Variants in DLG5 observed in about 807,000 individuals in gnomAD.
DLG5 encodes disks large homolog 5.
Under a neutral mutation model 189.8 loss-of-function variants are expected in DLG5, and 48 were observed. The ratio of observed to expected loss-of-function variants is 0.25; its 90% CI spans 0.20 to 0.32. DLG5 has a LOEUF of 0.32. Among genes scored for constraint, DLG5 ranks in the 10% least tolerant of loss-of-function variants. The pLI is 1.00. For synonymous variants in DLG5, 1,016 were observed against 1,054.1 expected (o/e 0.96, Z 0.70); for missense variants, 2,160 against 2,544.7 (o/e 0.85, Z 3.25).
chr10:77,843,732 C>T, intron 5 of DLG5, 26 bp from the exon 6 acceptor site: 3 of 1,613,364 alleles, frequency 1.9e-6, no homozygotes, highest in African/African-American at 1.3e-5. Context: ...TTTCACTTAC[C>T]AAGGGTCTGT....
Position 77,796,994 on chromosome 10 carries a change from T to C in DLG5, c.5165-400A>G, listed in dbSNP as rs1042562390. On this transcript the variant is annotated intron_variant, in intron 27 of 31. Transcript: ENST00000372391. This position sits in a 1 kb window ranked among gnomAD's most constrained non-coding sequence, Gnocchi z 5.2. ...GTCAGTGTAACCCAGACCTGCCCAG[T>C]GACAGGTGAGGCCTCCCCAATCTGC... Among the ~76,000 whole-genome samples the C allele has an allele frequency of 6.6e-6, 1 of 152,124 alleles. No individual in the cohort carries two copies. Among genetic ancestry groups the C allele is most frequent in the Non-Finnish European group, 1.5e-5 (1 of 68,014 alleles).
intron 1 of DLG5, among the ~76,000 whole-genome samples, chr10:77,922,978 G>A (rs1307606417): frequency 6.6e-6 from 1 of 152,204 alleles, no homozygotes; most frequent in African/African-American, 2.4e-5. Context: ...TTTCCTTCCA[G>A]TTCCAGGCCC....
chr10:77,844,617 A>G (rs560534418), intron 5 of DLG5, among the ~76,000 whole-genome samples: 1 of 152,346 alleles, frequency 6.6e-6, no homozygotes, highest in African/African-American at 2.4e-5. Context: ...GACAGGACAG[A>G]AAGACGCTGT....
chr10:77,867,340 T>A (rs1320196211), intron 2 of DLG5, among the ~76,000 whole-genome samples: 1 of 152,226 alleles, frequency 6.6e-6, no homozygotes, highest in African/African-American at 2.4e-5. Flanking sequence ...GTTTACTGAT[T>A]GCTATCTGTT....
intron 2 of DLG5, among the ~76,000 whole-genome samples, chr10:77,863,458 T>C (rs1278484916): frequency 6.6e-6 from 1 of 152,176 alleles, no homozygotes; most frequent in African/African-American, 2.4e-5. Context: ...CTAAGAGTGA[T>C]GTTGACAGGT....
At chr10:77,922,253 A>G (rs191417475) in intron 1 of DLG5, among the ~76,000 whole-genome samples, 1 of 152,284 alleles carries the variant, frequency 6.6e-6, no homozygotes, top group African/African-American at 2.4e-5. Flanking sequence ...AGATGAAGAT[A>G]CTGAGGCTCA....
intron 29 of DLG5, among the ~76,000 whole-genome samples, chr10:77,795,703 CA>C (rs1840878655): frequency 6.6e-6 from 1 of 152,084 alleles, no homozygotes; most frequent in Non-Finnish European, 1.5e-5. Flanking sequence ...CCAGAAGGTG[CA>C]TGTGAAATTG....
intron 26 of DLG5, 196 bp from the exon 27 acceptor site, chr10:77,806,057 A>G: frequency 1.9e-6 from 1 of 536,562 alleles, no homozygotes; most frequent in East Asian, 3.0e-5. Context: ...CACAAACACC[A>G]GCACCAGGGC....
chr10:77,882,920 A>G (rs1255112514), intron 1 of DLG5, among the ~76,000 whole-genome samples: 2 of 141,618 alleles, frequency 1.4e-5, no homozygotes, highest in East Asian at 2.0e-4. Context: ...TGTCTCAAAG[A>G]AAAAAAAAAA....
chr10:77,903,501 C>T (rs1054712013), intron 1 of DLG5, among the ~76,000 whole-genome samples: 4 of 151,164 alleles, frequency 2.6e-5, no homozygotes, highest in African/African-American at 7.3e-5. Flanking sequence ...ACCTGTAATC[C>T]CAGCTACTGG....
chr10:77,820,963 C>A, intron 15 of DLG5, 119 bp downstream of exon 15: 1 of 1,381,324 alleles, frequency 7.2e-7, no homozygotes, highest in East Asian at 2.4e-5. Context: ...ACAGCAAAGG[C>A]AAAGGCACCA....
At position 77,821,711 on chromosome 10, in the gene DLG5, G is replaced by A. The variant is rs759423832; in HGVS notation, c.2773C>T (p.Pro925Ser). The stretch of plus-strand genomic sequence containing the variant: ...AGGGAGGCCTCCCCAACCCCACAGG[G>A]GCCCACCTCGGTCTCAAAGGGCAGC... ...PLLPFETEVGPCGVGEASLDK... is the reference protein window; with the variant it reads ...PLLPFETEVGSCGVGEASLDK... The change falls in exon 15 of 32, where the codon CCC becomes TCC. Residue 925 changes from proline to serine, a missense_variant. This residue lies in a region of DLG5 where 754 missense variants were observed against 746.5 expected (regional missense o/e 1.01). Transcript: ENST00000372391. The A allele has an allele frequency of 1.9e-5, 30 of 1,611,532 alleles. No homozygotes were observed. The highest frequency in any genetic ancestry group is 2.5e-5 in the Non-Finnish European group (29 of 1,179,426).
At chr10:77,825,060 AC>A (rs1460418405) in intron 13 of DLG5, among the ~76,000 whole-genome samples, 1 of 152,174 alleles carries the variant, frequency 6.6e-6, no homozygotes, top group Non-Finnish European at 1.5e-5. Context: ...ATTGCAGAAC[AC>A]TGCTCAGCAA....
In DLG5 at chr10:77,792,421, T is replaced by G; in HGVS notation, c.*19A>C. 1.9e-6 allele frequency: 3 copies of G among 1,610,676 alleles called. No homozygotes were observed. Among genetic ancestry groups the G allele is most frequent in the Non-Finnish European group, 2.5e-6 (3 of 1,176,894 alleles). On this transcript the variant is annotated 3_prime_UTR_variant, in exon 32 of 32. Transcript: ENST00000372391. ...CCCCTCAGGCGGCCAGCTGCAGTCA[T>G]CCACAGCACAGCATTCTCCTAGAGC...
chr10:77,801,534 T>C (rs1244890472), intron 27 of DLG5, among the ~76,000 whole-genome samples: 1 of 152,146 alleles, frequency 6.6e-6, no homozygotes, highest in East Asian at 1.9e-4. Context: ...TGAAAGAAAC[T>C]GCGGCCAGGA....
At chr10:77,884,092 CAT>C (rs1224330276) in intron 1 of DLG5, among the ~76,000 whole-genome samples, 1 of 152,078 alleles carries the variant, frequency 6.6e-6, no homozygotes, top group East Asian at 1.9e-4. Context: ...CTGGAAAAGA[CAT>C]AGAAAGATCA....
At position 77,819,912 on chromosome 10, in the gene DLG5, G is replaced by A; in HGVS notation, c.3509C>T (p.Pro1170Leu). Reference protein sequence around the residue: ...SSRHSNPPLYPSRPSVGTVPR... With the variant: ...SSRHSNPPLYLSRPSVGTVPR... Reference sequence around the variant, plus strand: ...TGACTCACCCACAGACGGCCTGCTAGGGTATAGCGGGGGGTTGCTGTGCCG... The same window carrying A: ...TGACTCACCCACAGACGGCCTGCTAAGGTATAGCGGGGGGTTGCTGTGCCG... The change falls in exon 16 of 32, where the codon CCT becomes CTT. Residue 1170 changes from proline (P) to leucine (L), a missense_variant. Around this residue, in one of 5 missense-constraint regions of DLG5, gnomAD observed 754 missense variants for 746.5 expected, o/e 1.01. Coordinates refer to ENST00000372391, the MANE Select transcript of DLG5 (RefSeq NM_004747.4). The A allele has an allele frequency of 6.3e-7, 1 of 1,589,540 alleles. No individual in the cohort carries two copies. Among genetic ancestry groups the A allele is most frequent in the Non-Finnish European group, 8.6e-7 (1 of 1,168,624 alleles).
chr10:77,799,535 G>A (rs1271925277), intron 27 of DLG5, among the ~76,000 whole-genome samples: 6 of 152,286 alleles, frequency 3.9e-5, no homozygotes, highest in South Asian at 2.1e-4. Flanking sequence ...CCCAGATCTC[G>A]GATTTCCAAC....
chr10:77,890,654 T>G (rs1048896350), intron 1 of DLG5, among the ~76,000 whole-genome samples: 10 of 152,164 alleles, frequency 6.6e-5, no homozygotes, highest in Non-Finnish European at 1.3e-4. Flanking sequence ...CCATCTCTAC[T>G]AAAAATACAA....
Sources: gnomAD v4.1 joint callset for allele counts (sites outside exome capture counted in the v4.1 genomes callset) on GRCh38, gnomAD v4.1.1 for gene constraint, gnomAD v4.1.1 regional missense constraint, Gnocchi (gnomAD v3.1) non-coding constraint, MANE v1.5 for transcripts, NCBI Gene and HGNC (gene_info 2026-07-23, HGNC 2026-07-21) for gene names.